Variants in PTDSS2 observed in about 807,000 individuals in gnomAD.
PTDSS2 encodes phosphatidylserine synthase 2, also known as PSS-2.
Under a neutral mutation model 64.7 loss-of-function variants are expected in PTDSS2, and 41 were observed. The ratio of observed to expected loss-of-function variants is 0.63; its 90% CI spans 0.49 to 0.82. The LOEUF (loss-of-function observed/expected upper bound fraction) is 0.82, where lower values mean the gene tolerates loss of function less well. PTDSS2 is among the 40% of genes least tolerant of loss of function. PTDSS2 has a pLI of 0.00. For synonymous variants in PTDSS2, 297 were observed against 277.8 expected (o/e 1.07, Z -0.69); for missense variants, 485 against 650.0 (o/e 0.75, Z 2.76).
chr11:477,490 T>C (rs1015468140), intron 3 of PTDSS2, among the ~76,000 whole-genome samples: 9 of 151,998 alleles, frequency 5.9e-5, no homozygotes, highest in African/African-American at 2.2e-4. Context: ...GCCTGCTGGG[T>C]ATTCCGGGGC....
At chr11:484,961 C>T (rs560879849) in intron 4 of PTDSS2, among the ~76,000 whole-genome samples, 29 of 136,942 alleles carry the variant, frequency 2.1e-4, no homozygotes, top group African/African-American at 6.7e-4. Flanking sequence ...TCACTGTGTG[C>T]GCAGGCGAGC....
intron 2 of PTDSS2, among the ~76,000 whole-genome samples, chr11:466,488 A>G (rs1224817188): frequency 6.7e-6 from 1 of 149,634 alleles, no homozygotes; most frequent in Non-Finnish European, 1.5e-5. Context: ...GCTCACTGCA[A>G]CCTCCGCTTC....
chr11:471,339 C>T (rs765021468), intron 2 of PTDSS2, among the ~76,000 whole-genome samples: 4 of 152,232 alleles, frequency 2.6e-5, no homozygotes, highest in South Asian at 4.1e-4. Context: ...TAATGATCCA[C>T]CTACCTCAGC....
rs1325512587 is a variant in PTDSS2, at chr11:461,640, C to T, written c.284+1352C>T. 6.6e-6 allele frequency among the ~76,000 whole-genome samples: 1 copy of T among 152,198 alleles called. No individual in the cohort carries two copies. The highest frequency in any genetic ancestry group is 1.5e-5 in the Non-Finnish European group (1 of 68,028). On this transcript the variant is annotated intron_variant, in intron 2 of 11. Coordinates refer to ENST00000308020, the MANE Select transcript of PTDSS2 (RefSeq NM_030783.3). The surrounding 1 kb of genome is among the most constrained non-coding windows in gnomAD (Gnocchi z 4.2). ...CCAGTCAGCTTTGCTGGCCCTTCCC[C>T]CTTTTTCTGAGCCTGAGGTGCCAGC... is the stretch of plus-strand genomic sequence containing the variant.
At chr11:463,258 C>T (rs1039395889) in intron 2 of PTDSS2, 2 of 151,564 alleles carry the variant, frequency 1.3e-5, no homozygotes, top group African/African-American at 4.8e-5. Context: ...GATGGAGTCT[C>T]GCTCTGTACC....
At chr11:475,140 G>GTGTGATATGGCCATATTCACGTGTT (rs1847700676) in intron 3 of PTDSS2, among the ~76,000 whole-genome samples, 1 of 71,718 alleles carries the variant, frequency 1.4e-5, no homozygotes, top group African/African-American at 6.2e-5. Context: ...TCACGCGTTT[G>GTGTGATATGGCCATATTCACGTGTT]TGTGATACGG....
At chr11:469,125 AAGG>A (rs1321671025) in intron 2 of PTDSS2, among the ~76,000 whole-genome samples, 1 of 96,138 alleles carries the variant, frequency 1.0e-5, no homozygotes, top group Non-Finnish European at 2.1e-5. Context: ...GGGTAATCGG[AAGG>A]AGGAGGAGGG....
At chr11:477,607 GAA>G (rs1339711888) in intron 3 of PTDSS2, among the ~76,000 whole-genome samples, 1 of 152,244 alleles carries the variant, frequency 6.6e-6, no homozygotes, top group Non-Finnish European at 1.5e-5. Context: ...AGAAACATGA[GAA>G]AGATTCGACT....
intron 4 of PTDSS2, among the ~76,000 whole-genome samples, chr11:483,525 A>G (rs1371639528): frequency 2.0e-5 from 3 of 152,208 alleles, no homozygotes; most frequent in Non-Finnish European, 4.4e-5. Context: ...TATCATGAAA[A>G]GTTGTTAGAT....
At position 468,822 on chromosome 11, in the gene PTDSS2, G is replaced by GTC. The variant is rs200333966; in HGVS notation, c.285-5071_285-5070dup. On this transcript the variant is annotated intron_variant, in intron 2 of 11. Coordinates refer to ENST00000308020, the MANE Select transcript of PTDSS2 (RefSeq NM_030783.3). ...GTCTCTGGGTAATCGGAGGAGGGGAGTCTGGGTAATCGGAGGAGGGGAGTC... is the reference window on the plus strand; with the variant it reads ...GTCTCTGGGTAATCGGAGGAGGGGAGTCTCTGGGTAATCGGAGGAGGGGAGTC... 2.1e-3 allele frequency among the ~76,000 whole-genome samples: 312 copies of GTC among 147,628 alleles called. 2 individuals are homozygous for GTC. The highest frequency in any genetic ancestry group is 7.6e-3 in the African/African-American group (296 of 39,030).
Position 450,372 on chromosome 11 carries a change from G to T in PTDSS2, c.-84G>T. Reference sequence around the variant, plus strand: ...GCGACCCCTTCCCAGCGCTCCTCGCGCTGTGTGCGGCGCGTCCTCTCGCCG... The same window carrying T: ...GCGACCCCTTCCCAGCGCTCCTCGCTCTGTGTGCGGCGCGTCCTCTCGCCG... On this transcript the variant is annotated 5_prime_UTR_variant, in exon 1 of 12. Coordinates refer to ENST00000308020, the MANE Select transcript of PTDSS2 (RefSeq NM_030783.3). 1 of 1,158,322 alleles carries T rather than the reference G, an allele frequency of 8.6e-7. No homozygotes were observed. Among genetic ancestry groups the T allele is most frequent in the East Asian group, 3.3e-5 (1 of 29,918 alleles). The allele number at this position is 1,158,322 out of a possible 1,614,324, so 71.8% of individuals were successfully genotyped here. A position where few individuals can be genotyped will look rare whatever the true frequency, so the allele number is the denominator to read the frequency against.
chr11:451,832 C>T (rs1316672920), intron 1 of PTDSS2, among the ~76,000 whole-genome samples: 4 of 152,122 alleles, frequency 2.6e-5, no homozygotes, highest in Non-Finnish European at 5.9e-5. Context: ...CAGGGTCTTC[C>T]GTGAGGTGTG....
chr11:466,027 A>T (rs941650247), intron 2 of PTDSS2, among the ~76,000 whole-genome samples: 13 of 152,186 alleles, frequency 8.5e-5, no homozygotes, highest in Non-Finnish European at 2.9e-5. Flanking sequence ...CAAAACACCT[A>T]TCTGATAAAG....
intron 11 of PTDSS2, 151 bp downstream of exon 11, chr11:490,219 G>C (rs1250988729): frequency 1.7e-6 from 2 of 1,143,836 alleles, no homozygotes; most frequent in Non-Finnish European, 2.5e-6. Context: ...TCCTGACCCA[G>C]CCCTCGGGGC....
Position 490,701 on chromosome 11 carries a change from C to A in PTDSS2, c.*119C>A. On this transcript the variant is annotated 3_prime_UTR_variant, in exon 12 of 12. Transcript: ENST00000308020. ...GCCCTCAAGGTTTTTTGCTTTTCTCCTGTGCACCTGGCGAGGCTGAAGGCG... is the reference window on the plus strand; with the variant it reads ...GCCCTCAAGGTTTTTTGCTTTTCTCATGTGCACCTGGCGAGGCTGAAGGCG... The A allele has an allele frequency of 9.2e-7, 1 of 1,090,336 alleles. No homozygotes were observed. Among genetic ancestry groups the A allele is most frequent in the Non-Finnish European group, 1.3e-6 (1 of 779,382 alleles). The allele number at this position is 1,090,336 out of a possible 1,614,324, so 67.5% of individuals were successfully genotyped here. A position where few individuals can be genotyped will look rare whatever the true frequency, so the allele number is the denominator to read the frequency against.
chr11:472,819 G>A (rs1171695704), intron 2 of PTDSS2, among the ~76,000 whole-genome samples: 12 of 152,152 alleles, frequency 7.9e-5, no homozygotes, highest in Admixed American at 7.2e-4. Context: ...GCGGCCACAC[G>A]AACGTGCGTG....
chr11:475,267 T>TTG (rs1408504349), intron 3 of PTDSS2, among the ~76,000 whole-genome samples: 17 of 149,082 alleles, frequency 1.1e-4, no homozygotes, highest in South Asian at 2.1e-4. Flanking sequence ...ATTCACGCGT[T>TTG]TGTGATACGG....
chr11:466,813 A>T (rs764539937), intron 2 of PTDSS2, among the ~76,000 whole-genome samples: 5 of 151,966 alleles, frequency 3.3e-5, no homozygotes, highest in Non-Finnish European at 5.9e-5. Context: ...CTCCCTCCAC[A>T]CGTGGGGATT....
chr11:488,654 CGTG>C lies in PTDSS2; in HGVS notation c.854+9_854+11del, dbSNP rs779266604. 1.9e-6 allele frequency: 3 copies of C among 1,584,798 alleles called. No homozygotes were observed. Among genetic ancestry groups the C allele is most frequent in the Admixed American group, 3.3e-5 (2 of 59,936 alleles). On this transcript the variant is annotated splice_region_variant and intron_variant, in intron 8 of 11. Transcript: ENST00000308020. ...GGAACATTCCGACCTACAAGTACGT[CGTG>C]GGGGCTGCGAGGGCAGGGCCGGGTG...
Sources: allele counts gnomAD v4.1 joint callset (sites outside exome capture counted in the v4.1 genomes callset), GRCh38; gene constraint gnomAD v4.1.1; non-coding constraint Gnocchi (gnomAD v3.1); transcripts MANE v1.5; gene names NCBI Gene and HGNC (gene_info 2026-07-23, HGNC 2026-07-21).